ARHGAP30: variants seen among roughly 807,000 people sequenced by gnomAD.
The protein encoded by ARHGAP30 is rho GTPase-activating protein 30.
A neutral mutation model predicts 72.0 loss-of-function variants in ARHGAP30; 23 were observed. The ratio of observed to expected loss-of-function variants is 0.32; its 90% CI spans 0.23 to 0.45. ARHGAP30 has a LOEUF of 0.45. Among genes scored for constraint, ARHGAP30 ranks in the 20% least tolerant of loss-of-function variants. The pLI is 1.00. For synonymous variants in ARHGAP30, 576 were observed against 528.2 expected (o/e 1.09, Z -1.24); for missense variants, 1,319 against 1,383.4 (o/e 0.95, Z 0.74).
intron 2 of ARHGAP30, among the ~76,000 whole-genome samples, 179 bp from the exon 3 acceptor site, chr1:161,056,711 T>A (rs1651903198): frequency 1.3e-5 from 2 of 152,116 alleles, no homozygotes; most frequent in African/African-American, 2.4e-5. Flanking sequence ...TATGTTGACA[T>A]GTAGATGTGA....
At chr1:161,055,890 T>A (rs1190009394) in intron 3 of ARHGAP30, among the ~76,000 whole-genome samples, 139 of 108,074 alleles carry the variant, frequency 1.3e-3, no homozygotes, top group South Asian at 3.0e-3. Context: ...TAAAAATAAA[T>A]AAAATAAAAT....
rs1029730772 is a variant in ARHGAP30, at chr1:161,049,428, G to A, written c.1682C>T (p.Pro561Leu). Residue 561 changes from proline to leucine, a missense_variant, in exon 11 of 12, where the codon CCT becomes CTT. Around this residue, in one of 2 missense-constraint regions of ARHGAP30, gnomAD observed 1,097 missense variants for 1,045.2 expected, o/e 1.05. Transcript: ENST00000368013. ...GYLEELLGVG[P>L]QVEEFSVEPP... ...ACCCAGCACGGCTCTCCTTACCTGA[G>A]GCCCAACTCCCAGGAGCTCCTCCAG... 1.9e-6 allele frequency: 3 copies of A among 1,608,762 alleles called. No homozygotes were observed. The highest frequency in any genetic ancestry group is 2.5e-6 in the Non-Finnish European group (3 of 1,176,876).
Position 161,048,315 on chromosome 1 carries a change from C to A in ARHGAP30, c.2706G>T (p.Gly902=). Residue 902 remains glycine (G), a synonymous_variant, in exon 12 of 12, where the codon GGG becomes GGT. Coordinates refer to ENST00000368013, the MANE Select transcript of ARHGAP30 (RefSeq NM_001025598.2). The part of the protein sequence containing the change: ...PPQPEEMEPE[G]QPSPDGCLCP... ...ATAGACAGCCGTCTGGACTGGGCTG[C>A]CCCTCAGGCTCCATCTCCTCTGGCT... is the stretch of plus-strand genomic sequence containing the variant. The A allele has an allele frequency of 1.2e-6, 2 of 1,614,192 alleles. No homozygotes were observed. Among genetic ancestry groups the A allele is most frequent in the Non-Finnish European group, 1.7e-6 (2 of 1,180,022 alleles).
chr1:161,068,437 C>T (rs1165953248), intron 1 of ARHGAP30, among the ~76,000 whole-genome samples: 2 of 152,102 alleles, frequency 1.3e-5, no homozygotes, highest in African/African-American at 2.4e-5. Flanking sequence ...AAGGAGGTGT[C>T]TGGGGACGCA....
At chr1:161,052,849 C>A (rs3813610) in intron 6 of ARHGAP30, 52 bp from the exon 7 acceptor site, 4 of 1,582,406 alleles carry the variant, frequency 2.5e-6, no homozygotes, top group African/African-American at 1.4e-5. Flanking sequence ...AGAGAGGGAC[C>A]TCAGGCACCC....
rs144680705 is a variant in ARHGAP30 at position 161,068,844 on chromosome 1, G to A, written c.97+684C>T. Among the ~76,000 whole-genome samples the A allele has an allele frequency of 1.6e-3, 236 of 152,182 alleles. 2 individuals carry two copies. Among genetic ancestry groups the A allele is most frequent in the Admixed American group, 2.7e-3 (42 of 15,280 alleles). On this transcript the variant is annotated intron_variant, in intron 1 of 11. Transcript: ENST00000368013. ...CCCTCCTTTGCACCCTCCACCTCCA[G>A]CTTCAAGCCAGGCCTCACACCCTCT...
intron 1 of ARHGAP30, among the ~76,000 whole-genome samples, chr1:161,062,886 C>T (rs1033604577): frequency 2.6e-5 from 4 of 151,858 alleles, no homozygotes; most frequent in African/African-American, 9.7e-5. Context: ...ACAATCTCGG[C>T]TCACCACAAC....
chr1:161,064,777 G>GA (rs373425402), intron 1 of ARHGAP30, among the ~76,000 whole-genome samples: 1 of 68,662 alleles, frequency 1.5e-5, no homozygotes, highest in Non-Finnish European at 3.1e-5. Flanking sequence ...AAGAAAGAAA[G>GA]AAAAAGAAAG....
chr1:161,057,509 A>G (rs533924596), intron 2 of ARHGAP30, among the ~76,000 whole-genome samples: 2 of 152,322 alleles, frequency 1.3e-5, no homozygotes, highest in Non-Finnish European at 2.9e-5. Context: ...GAGGCGGCTC[A>G]TGCCTGTAAT....
At chr1:161,054,810 C>A in intron 3 of ARHGAP30, 105 bp from the exon 4 acceptor site, 1 of 949,448 alleles carries the variant, frequency 1.1e-6, no homozygotes. Context: ...GCACTGGACT[C>A]TGTGCTACCC....
intron 1 of ARHGAP30, among the ~76,000 whole-genome samples, chr1:161,067,368 G>A (rs1247355085): frequency 6.6e-6 from 1 of 152,038 alleles, no homozygotes; most frequent in East Asian, 1.9e-4. Context: ...GTCAGTGTTC[G>A]AGACCAGCCT....
chr1:161,063,173 T>C (rs1652451093), intron 1 of ARHGAP30, among the ~76,000 whole-genome samples: 1 of 152,236 alleles, frequency 6.6e-6, no homozygotes, highest in African/African-American at 2.4e-5. Context: ...TTTGTATTGA[T>C]ACCTCCTGAC....
chr1:161,052,949 A>T (rs944710015), intron 6 of ARHGAP30, 152 bp from the exon 7 acceptor site: 21 of 1,049,516 alleles, frequency 2.0e-5, no homozygotes, highest in Admixed American at 2.9e-5. Flanking sequence ...ACCTCAAAAG[A>T]GTGCCCTCAT....
intron 1 of ARHGAP30, among the ~76,000 whole-genome samples, chr1:161,060,487 C>A (rs1469273050): frequency 1.3e-5 from 2 of 150,712 alleles, no homozygotes; most frequent in South Asian, 2.1e-4. Context: ...ATCCCAGCTA[C>A]TTGGGAGGCT....
At position 161,048,063 on chromosome 1, in the gene ARHGAP30, T is replaced by C; in HGVS notation, c.2958A>G (p.Arg986=). ...GERAWGSRAS[R]SSWRNGGSLS... is the part of the protein sequence containing the mutation. Reference sequence around the variant, plus strand: ...GACTACCCCCATTCCTCCAAGAGGATCGAGAAGCTCGGGACCCCCAAGCCC... The same window carrying C: ...GACTACCCCCATTCCTCCAAGAGGACCGAGAAGCTCGGGACCCCCAAGCCC... Residue 986 remains arginine, a synonymous_variant, in exon 12 of 12, where the codon CGA becomes CGG. Coordinates refer to ENST00000368013, the MANE Select transcript of ARHGAP30 (RefSeq NM_001025598.2). 1 of 1,614,062 alleles carries C rather than the reference T, an allele frequency of 6.2e-7. No homozygotes were observed. The highest frequency in any genetic ancestry group is 8.5e-7 in the Non-Finnish European group (1 of 1,179,988).
chr1:161,050,321 C>T (rs1397171629), intron 10 of ARHGAP30, among the ~76,000 whole-genome samples: 12 of 115,956 alleles, frequency 1.0e-4, no homozygotes, highest in Non-Finnish European at 1.7e-4. Flanking sequence ...TTTTTTGAGA[C>T]GGAGTCTTGC....
rs374740570 is a variant in ARHGAP30, at chr1:161,051,367, G to A, written c.1367C>T (p.Pro456Leu). 6.2e-7 allele frequency: 1 copy of A among 1,613,338 alleles called. No homozygotes were observed. The highest frequency in any genetic ancestry group is 8.5e-7 in the Non-Finnish European group (1 of 1,179,806). ...AGGGCCAGGGCCAGAGGCAGGGCTT[G>A]GCCGGTGCTGTAGAGCAGGGCACTC... is the stretch of plus-strand genomic sequence containing the variant. ...GLECPALQHR[P>L]SPASGPGPGP... Residue 456 changes from proline (P) to leucine (L), a missense_variant, in exon 10 of 12, where the codon CCA becomes CTA. Pro to Leu is a moderately conservative substitution (Grantham distance 98). This residue lies in a region of ARHGAP30 where 1,097 missense variants were observed against 1,045.2 expected (regional missense o/e 1.05). Coordinates refer to ENST00000368013, the MANE Select transcript of ARHGAP30 (RefSeq NM_001025598.2).
At chr1:161,064,150 T>C (rs1384636035) in intron 1 of ARHGAP30, among the ~76,000 whole-genome samples, 2 of 152,236 alleles carry the variant, frequency 1.3e-5, no homozygotes, top group African/African-American at 4.8e-5. Flanking sequence ...TAATAAAAAC[T>C]TGCTGGTTTT....
Position 161,064,822 on chromosome 1 carries a change from AG to A in ARHGAP30, c.97+4705del, listed in dbSNP as rs1652610816. 1.1e-4 allele frequency among the ~76,000 whole-genome samples: 6 copies of A among 54,812 alleles called. No individual in the cohort carries two copies. In the East Asian group the frequency reaches 2.1e-3, roughly 19 times the overall value. 36.0% of individuals were successfully genotyped at this position (54,812 alleles called of 152,430 possible). On this transcript the variant is annotated intron_variant, in intron 1 of 11. Transcript: ENST00000368013. ...AAGAAAGAAAGAAAGAAAGAAAGAAAGAAAGAAAGAGAAAGAAAGAAAGAAA... is the reference window on the plus strand; with the variant it reads ...AAGAAAGAAAGAAAGAAAGAAAGAAAAAAGAAAGAGAAAGAAAGAAAGAAA...
Sources: allele counts gnomAD v4.1 joint callset (sites outside exome capture counted in the v4.1 genomes callset), GRCh38; gene constraint gnomAD v4.1.1; regional missense constraint gnomAD v4.1.1; transcripts MANE v1.5; gene names NCBI Gene and HGNC (gene_info 2026-07-23, HGNC 2026-07-21).